The following ADAMTSL1 variants were observed in gnomAD, a reference collection of about 807,000 sequenced individuals.
ADAMTSL1 encodes ADAMTS like 1.
A neutral mutation model predicts 201.8 loss-of-function variants in ADAMTSL1; 126 were observed. The ratio of observed to expected loss-of-function variants is 0.62; its 90% CI spans 0.54 to 0.72. The LOEUF is 0.72. ADAMTSL1 is among the 30% of genes least tolerant of loss of function. The pLI, the probability that ADAMTSL1 is intolerant of heterozygous loss-of-function variation, is 0.00. For synonymous variants in ADAMTSL1, 1,121 were observed against 903.4 expected, an observed-to-expected ratio of 1.24 and a Z score of -4.32; for missense variants, 2,679 against 2,277.8, an observed-to-expected ratio of 1.18 and a Z score of -3.59.
At chr9:17,935,803 C>T (rs541638010) in intron 1 of ADAMTSL1, among the ~76,000 whole-genome samples, 1 of 152,308 alleles carries the variant, frequency 6.6e-6, no homozygotes, top group South Asian at 2.1e-4. Context: ...ACACTGGTCT[C>T]AACTTCTGCT....
chr9:17,908,551 G>A (rs1207372883), intron 1 of ADAMTSL1, among the ~76,000 whole-genome samples: 3 of 152,034 alleles, frequency 2.0e-5, no homozygotes, highest in Non-Finnish European at 4.4e-5. Context: ...CTGCCTCCTG[G>A]GTTCAAGCGA....
intron 2 of ADAMTSL1, among the ~76,000 whole-genome samples, chr9:18,453,085 C>G (rs1820473120): frequency 6.6e-6 from 1 of 152,320 alleles, no homozygotes; most frequent in African/African-American, 2.4e-5. Flanking sequence ...GAAGCCATGC[C>G]CGCACAGCTC....
chr9:18,299,723 GT>G lies in ADAMTSL1; in HGVS notation c.207+135744del, dbSNP rs539410841. Among the ~76,000 whole-genome samples the G allele has an allele frequency of 6.2e-3, 944 of 152,294 alleles. 4 individuals are homozygous for G. Among genetic ancestry groups the G allele is most frequent in the Non-Finnish European group, 8.7e-3 (593 of 68,026 alleles). On this transcript the variant is annotated intron_variant, in intron 2 of 29. Coordinates refer to the ADAMTSL1 transcript ENST00000680146. ...GGCGAGAGTCTCCAAGTGTTACAGG[GT>G]TACTGGAAGCCGCCAAAATAGGCCT...
At chr9:18,551,473 A>G (rs984233877) in intron 3 of ADAMTSL1, among the ~76,000 whole-genome samples, 7 of 150,464 alleles carry the variant, frequency 4.7e-5, no homozygotes, top group African/African-American at 1.7e-4. Context: ...TATTCCTTTC[A>G]TGTTTAGTAA....
chr9:18,740,473 TTTATC>T, intron 15 of ADAMTSL1, among the ~76,000 whole-genome samples: 1 of 130,854 alleles, frequency 7.6e-6, no homozygotes, highest in Non-Finnish European at 1.6e-5. Context: ...TTTTTTTTCT[TTTATC>T]TTTTTTTTTT....
In ADAMTSL1 at chr9:18,321,104, A is replaced by T. The variant is rs539026138; in HGVS notation, c.207+157123A>T. On this transcript the variant is annotated intron_variant, in intron 2 of 29. Coordinates refer to the ADAMTSL1 transcript ENST00000680146. ...ATAAACCCACAAGTAAGTTTTAAGT[A>T]AAAGGATGGAAACAGATATGACATG... 7.9e-5 allele frequency among the ~76,000 whole-genome samples: 12 copies of T among 152,332 alleles called. No individual in the cohort carries two copies. In the South Asian group the frequency reaches 2.5e-3, roughly 32 times the overall value.
At chr9:18,485,978 T>A (rs1821970514) in intron 1 of ADAMTSL1, among the ~76,000 whole-genome samples, 1 of 152,174 alleles carries the variant, frequency 6.6e-6, no homozygotes, top group African/African-American at 2.4e-5. Context: ...GCTGTAAGGC[T>A]ACATAGTTAC....
rs199995253 is a variant in ADAMTSL1 at position 18,498,133 on chromosome 9, GA to G, written c.64-6687del. 1.5e-4 allele frequency among the ~76,000 whole-genome samples: 22 copies of G among 149,532 alleles called. 1 individual carries two copies. The highest frequency in any genetic ancestry group is 2.9e-4 in the African/African-American group (12 of 40,792). On this transcript the variant is annotated intron_variant, in intron 1 of 28. Coordinates refer to ENST00000380548, the MANE Select transcript of ADAMTSL1 (RefSeq NM_001040272.6). ...AAAGGTCAAAATATGAAGCTAGGCA[GA>G]AAAAAAAAGATACAGACATAAAACT...
In ADAMTSL1 at chr9:18,010,737, G is replaced by A. The variant is rs909036889; in HGVS notation, c.87+103815G>A. On this transcript the variant is annotated intron_variant, in intron 1 of 29. Coordinates refer to the ADAMTSL1 transcript ENST00000680146. ...AGGCCTAGATTTGTTCCATTTGGTC[G>A]ATGTAATTCTAGACCTAAGGGTATT... Among the ~76,000 whole-genome samples the A allele has an allele frequency of 5.3e-5, 8 of 152,050 alleles. No homozygotes were observed. In the East Asian group the frequency reaches 1.6e-3, roughly 30 times the overall value.
intron 1 of ADAMTSL1, among the ~76,000 whole-genome samples, chr9:17,943,733 T>C (rs778611188): frequency 6.6e-5 from 10 of 152,170 alleles, no homozygotes; most frequent in Non-Finnish European, 1.3e-4. Context: ...GTATCTGTAT[T>C]AGGCTTTTCT....
chr9:18,702,096 T>G (rs887875655), intron 13 of ADAMTSL1, among the ~76,000 whole-genome samples: 2 of 152,122 alleles, frequency 1.3e-5, no homozygotes, highest in Non-Finnish European at 2.9e-5. Context: ...AACTCCCACT[T>G]TTAAAACCAT....
At chr9:18,413,113 C>T (rs1818518452) in intron 2 of ADAMTSL1, among the ~76,000 whole-genome samples, 1 of 148,794 alleles carries the variant, frequency 6.7e-6, no homozygotes, top group Non-Finnish European at 1.5e-5. Context: ...TCTTCAACTG[C>T]TTGTTTATTT....
chr9:18,772,419 A>G (rs78086829), intron 17 of ADAMTSL1, among the ~76,000 whole-genome samples: 1 of 152,214 alleles, frequency 6.6e-6, no homozygotes, highest in East Asian at 1.9e-4. Flanking sequence ...AGATTTTGGG[A>G]CTAAGAAAAA....
intron 2 of ADAMTSL1, among the ~76,000 whole-genome samples, chr9:18,425,550 G>A (rs1016383273): frequency 6.6e-6 from 1 of 152,056 alleles, no homozygotes; most frequent in Non-Finnish European, 1.5e-5. Flanking sequence ...GTTCTGTGTG[G>A]GTTTAAAAAA....
intron 2 of ADAMTSL1, among the ~76,000 whole-genome samples, chr9:18,453,069 A>T (rs1224123886): frequency 6.6e-6 from 1 of 152,172 alleles, no homozygotes; most frequent in African/African-American, 2.4e-5. Context: ...CAAAATTTAG[A>T]TGGAGGAAGC....
At chr9:18,684,449 A>G (rs935764871) in intron 12 of ADAMTSL1, among the ~76,000 whole-genome samples, 1 of 152,256 alleles carries the variant, frequency 6.6e-6, no homozygotes, top group East Asian at 1.9e-4. Context: ...TAGTGCTCCT[A>G]CACTTACAAC....
intron 7 of ADAMTSL1, among the ~76,000 whole-genome samples, chr9:18,643,586 G>GTA (rs1827585527): frequency 6.6e-6 from 1 of 151,988 alleles, no homozygotes; most frequent in South Asian, 2.1e-4. Flanking sequence ...TGATTTTTGT[G>GTA]TATAGTGTGA....
chr9:18,024,254 A>G (rs1053868153), intron 1 of ADAMTSL1, among the ~76,000 whole-genome samples: 1 of 152,028 alleles, frequency 6.6e-6, no homozygotes, highest in Non-Finnish European at 1.5e-5. Flanking sequence ...TTATTTATTT[A>G]TTATCTTTTT....
intron 1 of ADAMTSL1, among the ~76,000 whole-genome samples, chr9:18,488,922 G>A (rs937998899): frequency 1.4e-4 from 22 of 152,300 alleles, no homozygotes; most frequent in African/African-American, 3.6e-4. Flanking sequence ...GTCTAAGACA[G>A]AATAAAGATA....
Sources: allele counts gnomAD v4.1 joint callset (sites outside exome capture counted in the v4.1 genomes callset), GRCh38; gene constraint gnomAD v4.1.1; transcripts MANE v1.5; gene names NCBI Gene and HGNC (gene_info 2026-07-23, HGNC 2026-07-21).